ENPP6: variants seen among roughly 807,000 people sequenced by gnomAD.
The protein encoded by ENPP6 is glycerophosphocholine cholinephosphodiesterase ENPP6.
ENPP6 carries 32 observed loss-of-function variants against 42.0 expected under a neutral mutation model. That is an observed-to-expected ratio of 0.76 (90% CI 0.58 to 1.02). The LOEUF (loss-of-function observed/expected upper bound fraction) is 1.02, where lower values mean the gene tolerates loss of function less well. Among genes scored for constraint, ENPP6 ranks in the 50% least tolerant of loss-of-function variants. ENPP6 has a pLI of 0.00. For missense variants in ENPP6, 552 were observed against 566.8 expected, an observed-to-expected ratio of 0.97 and a Z score of 0.27; for synonymous variants, 213 against 216.0, an observed-to-expected ratio of 0.99 and a Z score of 0.12.
chr4:184,216,448 C>T (rs1428869709), intron 1 of ENPP6: 1 of 152,098 alleles, frequency 6.6e-6, no homozygotes, highest in African/African-American at 2.4e-5. Context: ...TTTTTCCGTA[C>T]ATGTGTATAT....
chr4:184,130,795 AT>A (rs1464335610), intron 2 of ENPP6, among the ~76,000 whole-genome samples: 1 of 152,016 alleles, frequency 6.6e-6, no homozygotes, highest in Non-Finnish European at 1.5e-5. Flanking sequence ...TCTAAAATAA[AT>A]GTTGCTTTTG....
intron 7 of ENPP6, among the ~76,000 whole-genome samples, chr4:184,094,683 G>C (rs12639969): frequency 2.0e-5 from 3 of 152,162 alleles, no homozygotes; most frequent in African/African-American, 7.2e-5. Flanking sequence ...CTCTTACAGA[G>C]AGGAGGTTCT....
At chr4:184,148,173 G>A (rs1026584956) in intron 2 of ENPP6, among the ~76,000 whole-genome samples, 2 of 152,152 alleles carry the variant, frequency 1.3e-5, no homozygotes, top group Non-Finnish European at 2.9e-5. Context: ...TCGGGAGGGG[G>A]TGCAGGTGAG....
chr4:184,146,616 G>A (rs893444608), intron 2 of ENPP6, among the ~76,000 whole-genome samples: 16 of 152,264 alleles, frequency 1.1e-4, no homozygotes, highest in Admixed American at 2.6e-4. Context: ...TCTTTTTGCA[G>A]CTCAGCAACA....
intron 6 of ENPP6, among the ~76,000 whole-genome samples, chr4:184,104,511 G>T (rs1043162379): frequency 1.3e-4 from 20 of 152,212 alleles, no homozygotes; most frequent in African/African-American, 4.8e-4. Flanking sequence ...GTCCAGGAGA[G>T]GCTGCAGGAA....
intron 6 of ENPP6, among the ~76,000 whole-genome samples, chr4:184,107,231 C>G (rs2111337235): frequency 6.6e-6 from 1 of 152,344 alleles, no homozygotes; most frequent in Admixed American, 6.5e-5. Context: ...AGGTCTCAGG[C>G]AGGACTTCCA....
chr4:184,209,795 A>G (rs1166065501), intron 1 of ENPP6, among the ~76,000 whole-genome samples: 17 of 146,646 alleles, frequency 1.2e-4, no homozygotes, highest in Non-Finnish European at 2.4e-4. Flanking sequence ...CAGATTCACC[A>G]AAGTTGAAAT....
chr4:184,146,587 C>T (rs550413582), intron 2 of ENPP6, among the ~76,000 whole-genome samples: 1 of 152,208 alleles, frequency 6.6e-6, no homozygotes, highest in African/African-American at 2.4e-5. Context: ...CGGGGTGCCC[C>T]GTTAATAAAT....
chr4:184,196,534 T>C (rs149930017), intron 1 of ENPP6, among the ~76,000 whole-genome samples: 12 of 152,302 alleles, frequency 7.9e-5, no homozygotes, highest in Admixed American at 2.0e-4. Context: ...AGTTAGCAAG[T>C]GGATGAAAAT....
At chr4:184,136,067 G>A (rs1736725976) in intron 2 of ENPP6, among the ~76,000 whole-genome samples, 1 of 151,688 alleles carries the variant, frequency 6.6e-6, no homozygotes. Context: ...TTTGAATAAA[G>A]TACACATTAT....
intron 2 of ENPP6, among the ~76,000 whole-genome samples, chr4:184,153,126 CT>C (rs143936726): frequency 6.8e-6 from 1 of 146,944 alleles, no homozygotes; most frequent in Non-Finnish European, 1.5e-5. Flanking sequence ...TATTTCTTTT[CT>C]TTTTCTTTTT....
intron 1 of ENPP6, among the ~76,000 whole-genome samples, chr4:184,172,848 G>A (rs1461898812): frequency 6.6e-6 from 1 of 152,094 alleles, no homozygotes. Context: ...GAGAGGAAAT[G>A]TACATTCGTT....
At chr4:184,165,213 T>C (rs888739579) in intron 1 of ENPP6, among the ~76,000 whole-genome samples, 2 of 152,214 alleles carry the variant, frequency 1.3e-5, no homozygotes, top group Non-Finnish European at 2.9e-5. Flanking sequence ...TAGTTCCCAG[T>C]CCTTGGCCAA....
At chr4:184,119,401 C>T (rs1022474427) in intron 3 of ENPP6, among the ~76,000 whole-genome samples, 4 of 151,514 alleles carry the variant, frequency 2.6e-5, no homozygotes, top group Middle Eastern at 6.8e-3. Flanking sequence ...TTGTCATGCT[C>T]CTGGTTCCCC....
rs1560987460 is a variant in ENPP6 at position 184,131,256 on chromosome 4, TTCTCTTC to T, written c.422-6991_422-6985del. ...TTTCCTTTTCTTTCTTTCTTTCTCTTTCTCTTCCTTCCTTCCTTCCTTCCTTCCTTCC... is the reference window on the plus strand; with the variant it reads ...TTTCCTTTTCTTTCTTTCTTTCTCTTCTTCCTTCCTTCCTTCCTTCCTTCC... On this transcript the variant is annotated intron_variant, in intron 2 of 7. Coordinates refer to ENST00000296741, the MANE Select transcript of ENPP6 (RefSeq NM_153343.4). Among the ~76,000 whole-genome samples the T allele has an allele frequency of 2.9e-3, 113 of 39,528 alleles. 3 individuals are homozygous for T. Among genetic ancestry groups the T allele is most frequent in the East Asian group, 7.9e-3 (10 of 1,258 alleles). 25.9% of individuals were successfully genotyped at this position (39,528 alleles called of 152,430 possible).
chr4:184,143,465 A>G (rs1214395101), intron 2 of ENPP6, among the ~76,000 whole-genome samples: 1 of 152,206 alleles, frequency 6.6e-6, no homozygotes, highest in Non-Finnish European at 1.5e-5. Flanking sequence ...TGGACTAGCC[A>G]GTCCTGTGCC....
rs144508336 is a variant in ENPP6, at chr4:184,091,345, C to A, written c.1155G>T (p.Ser385=). The change falls in exon 8 of 8, where the codon TCG becomes TCT. Residue 385 remains serine (S), a synonymous_variant. Coordinates refer to ENST00000296741, the MANE Select transcript of ENPP6 (RefSeq NM_153343.4). ...TGCACATGACATTGTAGACGTCCAC[C>A]GACCTGATAGGAGCAGCTCTGAAGT... ...KSNFRAAPIR[S]VDVYNVMCNV... 3 of 1,612,902 alleles carry A rather than the reference C, an allele frequency of 1.9e-6. No individual in the cohort carries two copies. The highest frequency in any genetic ancestry group is 1.1e-5 in the South Asian group (1 of 90,760).
intron 3 of ENPP6, among the ~76,000 whole-genome samples, chr4:184,118,812 C>A (rs1736367736): frequency 6.6e-6 from 1 of 152,114 alleles, no homozygotes; most frequent in Non-Finnish European, 1.5e-5. Context: ...CTACTACTGG[C>A]CATTGACAGC....
chr4:184,154,222 G>A (rs6835482), intron 1 of ENPP6, among the ~76,000 whole-genome samples: 46,543 of 152,078 alleles, frequency 0.31, 7,898 homozygotes, highest in Middle Eastern at 0.41. Flanking sequence ...AACCTATGAC[G>A]TTTGGAACAG....
Sources: gnomAD v4.1 joint callset for allele counts (sites outside exome capture counted in the v4.1 genomes callset) on GRCh38, gnomAD v4.1.1 for gene constraint, MANE v1.5 for transcripts, NCBI Gene and HGNC (gene_info 2026-07-23, HGNC 2026-07-21) for gene names.